Variants in ARHGAP24 observed in about 807,000 individuals in gnomAD.
ARHGAP24 encodes the protein Rho GTPase activating protein 24, also known as rho GTPase-activating protein 24.
ARHGAP24 carries 50 observed loss-of-function variants against 76.4 expected under a neutral mutation model. That is an observed-to-expected ratio of 0.65 (90% CI 0.52 to 0.83). ARHGAP24 has a LOEUF of 0.83. ARHGAP24 is among the 40% of genes least tolerant of loss of function. The pLI is 0.00. For missense variants in ARHGAP24, 930 were observed against 914.2 expected (o/e 1.02, Z -0.22); for synonymous variants, 345 against 323.3 (o/e 1.07, Z -0.72).
intron 1 of ARHGAP24, among the ~76,000 whole-genome samples, chr4:85,504,052 T>C (rs1723933362): frequency 6.6e-6 from 1 of 152,242 alleles, no homozygotes; most frequent in Admixed American, 6.5e-5. Flanking sequence ...AATCTGGAGT[T>C]CTAATTTGAT....
intron 3 of ARHGAP24, among the ~76,000 whole-genome samples, chr4:85,865,319 T>C (rs1732132808): frequency 6.6e-6 from 1 of 151,832 alleles, no homozygotes. Flanking sequence ...GTAAAATCAA[T>C]TGTTCTTGGC....
intron 3 of ARHGAP24, among the ~76,000 whole-genome samples, chr4:85,882,166 A>G (rs377531161): frequency 0.017 from 600 of 35,206 alleles, 3 homozygotes; most frequent in African/African-American, 0.044. Context: ...AAGAAGCCAT[A>G]GGCTTCAGAA....
chr4:85,717,324 T>A (rs1724772421), intron 2 of ARHGAP24, among the ~76,000 whole-genome samples: 1 of 152,142 alleles, frequency 6.6e-6, no homozygotes, highest in African/African-American at 2.4e-5. Flanking sequence ...GTAATGCAAA[T>A]GTATACCATT....
In ARHGAP24 at chr4:85,507,825, CAATA is replaced by C. The variant is rs1322654869; in HGVS notation, c.-21+32271_-21+32274del. ...TATTGCCTTGAATAGAAGTGATATT[CAATA>C]AATAGTTACTTAATAAATAAATCAA... On this transcript the variant is annotated intron_variant, in intron 1 of 9. Coordinates refer to ENST00000395184, the MANE Select transcript of ARHGAP24 (RefSeq NM_001025616.3). Among the ~76,000 whole-genome samples the C allele has an allele frequency of 5.3e-5, 8 of 152,174 alleles. No individual in the cohort carries two copies. In the East Asian group the frequency reaches 1.4e-3, roughly 26 times the overall value.
intron 9 of ARHGAP24, among the ~76,000 whole-genome samples, chr4:85,997,349 T>G (rs56270662): frequency 3.6e-5 from 5 of 139,274 alleles, no homozygotes; most frequent in African/African-American, 1.5e-4. Context: ...GATAGAGAGA[T>G]AGATAATAGA....
chr4:85,752,334 T>C (rs13110485), intron 3 of ARHGAP24, among the ~76,000 whole-genome samples: 34,299 of 152,068 alleles, frequency 0.23, 4,381 homozygotes, highest in East Asian at 0.54. Context: ...CCAGGAAGCA[T>C]CCCTTCCCTT....
chr4:85,592,560 T>C (rs1045296411), intron 2 of ARHGAP24, among the ~76,000 whole-genome samples: 1 of 152,202 alleles, frequency 6.6e-6, no homozygotes, highest in African/African-American at 2.4e-5. Flanking sequence ...TCTTGTCTTA[T>C]CAAATACTAT....
At chr4:85,906,553 A>G (rs1261942160) in intron 3 of ARHGAP24, among the ~76,000 whole-genome samples, 1 of 152,192 alleles carries the variant, frequency 6.6e-6, no homozygotes, top group East Asian at 1.9e-4. Flanking sequence ...TTTTGGTGCT[A>G]GTTAAATTTT....
chr4:85,551,310 G>C (rs901205368), intron 1 of ARHGAP24, among the ~76,000 whole-genome samples: 2 of 152,144 alleles, frequency 1.3e-5, no homozygotes, highest in African/African-American at 2.4e-5. Context: ...TTTTAGTTCT[G>C]TTTATATGAT....
At chr4:85,595,087 A>C (rs1179682306) in intron 2 of ARHGAP24, among the ~76,000 whole-genome samples, 1 of 152,054 alleles carries the variant, frequency 6.6e-6, no homozygotes, top group African/African-American at 2.4e-5. Flanking sequence ...GGCTTGGATA[A>C]ATAATGTAAC....
chr4:85,983,233 C>A (rs369448472), intron 8 of ARHGAP24, among the ~76,000 whole-genome samples: 1 of 152,276 alleles, frequency 6.6e-6, no homozygotes, highest in East Asian at 1.9e-4. Flanking sequence ...CTGCAGTGAA[C>A]ATATGTGTGC....
chr4:85,894,981 AAAAAAAACAAAACAAAAAGC>A (rs1560701638), intron 3 of ARHGAP24, among the ~76,000 whole-genome samples: 3 of 21,410 alleles, frequency 1.4e-4, no homozygotes, highest in Non-Finnish European at 3.2e-4. Flanking sequence ...AAAAAAAAAA[AAAAAAAACAAAACAAAAAGC>A]AAAAAAAAAA....
chr4:85,967,713 C>G (rs1020927534), intron 5 of ARHGAP24, among the ~76,000 whole-genome samples: 2 of 152,170 alleles, frequency 1.3e-5, no homozygotes, highest in Non-Finnish European at 2.9e-5. Context: ...TGAAAAGACT[C>G]TACTACCAGC....
intron 2 of ARHGAP24, among the ~76,000 whole-genome samples, chr4:85,614,787 G>A (rs1165420090): frequency 1.3e-5 from 2 of 151,890 alleles, no homozygotes; most frequent in Non-Finnish European, 2.9e-5. Flanking sequence ...AATTCCTTTT[G>A]ATAATATCAT....
intron 4 of ARHGAP24, among the ~76,000 whole-genome samples, chr4:85,926,932 T>C (rs543241621): frequency 3.9e-5 from 6 of 152,158 alleles, no homozygotes; most frequent in Non-Finnish European, 8.8e-5. Flanking sequence ...CAATTATAAG[T>C]CCATGCCTTA....
In ARHGAP24 at chr4:86,001,568, G is replaced by C. The variant is rs2869408; in HGVS notation, c.*846G>C. The C allele has an allele frequency of 0.22, 86,373 of 396,352 alleles. 9,937 individuals are homozygous for C. The highest frequency in any genetic ancestry group is 0.41 in the South Asian group (2,863 of 7,068). 24.6% of individuals were successfully genotyped at this position (396,352 alleles called of 1,614,324 possible). On this transcript the variant is annotated 3_prime_UTR_variant, in exon 10 of 10. Transcript: ENST00000395184. ...CTGGACCGAATCTCTTTAACTGCTG[G>C]ATAGTTTTAGAGGAATTCTCCTGCT...
At chr4:85,749,014 T>A (rs1176999703) in intron 3 of ARHGAP24, among the ~76,000 whole-genome samples, 1 of 152,176 alleles carries the variant, frequency 6.6e-6, no homozygotes, top group Non-Finnish European at 1.5e-5. Flanking sequence ...CCTCTAGTCA[T>A]ACAGGCATAC....
rs551563295 is a variant in ARHGAP24 at position 85,929,225 on chromosome 4, C to T, written c.391+5455C>T. ...TTGTGGTTCTTTATTTTCTTAGCAG[C>T]GTGCTGTGACACAGAAGGTAAAATA... On this transcript the variant is annotated intron_variant, in intron 4 of 9. Transcript: ENST00000395184. Among the ~76,000 whole-genome samples the T allele has an allele frequency of 2.6e-4, 40 of 152,204 alleles. No homozygotes were observed. In the South Asian group the frequency reaches 7.7e-3, roughly 29 times the overall value.
chr4:85,821,943 G>A (rs1729491694), intron 3 of ARHGAP24, among the ~76,000 whole-genome samples: 1 of 152,184 alleles, frequency 6.6e-6, no homozygotes, highest in Admixed American at 6.5e-5. Flanking sequence ...TTTTTCTTAA[G>A]AGAGTTTATT....
Sources: gnomAD v4.1 joint callset for allele counts (sites outside exome capture counted in the v4.1 genomes callset) on GRCh38, gnomAD v4.1.1 for gene constraint, MANE v1.5 for transcripts, NCBI Gene and HGNC (gene_info 2026-07-23, HGNC 2026-07-21) for gene names.